GABRB2: variants seen among roughly 807,000 people sequenced by gnomAD.
GABRB2 encodes gamma-aminobutyric acid receptor subunit beta-2.
Under a neutral mutation model 54.7 loss-of-function variants are expected in GABRB2, and 16 were observed. The observed-to-expected ratio is 0.29, with a 90% CI of 0.20 to 0.44. The LOEUF (loss-of-function observed/expected upper bound fraction) is 0.44, where lower values mean the gene tolerates loss of function less well. Ranked by LOEUF, GABRB2 falls within the 20% of genes least tolerant of loss-of-function variation. The probability of loss-of-function intolerance (pLI) is 1.00; values close to 1 mark genes in which losing one functional copy is unlikely to be tolerated. For missense variants in GABRB2, 355 were observed against 644.0 expected, an observed-to-expected ratio of 0.55 and a Z score of 4.86; for synonymous variants, 244 against 233.8, an observed-to-expected ratio of 1.04 and a Z score of -0.40.
At chr5:161,427,615 G>T in intron 4 of GABRB2, among the ~76,000 whole-genome samples, 1 of 152,010 alleles carries the variant, frequency 6.6e-6, no homozygotes, top group African/African-American at 2.4e-5. Context: ...TGTTAATTTG[G>T]GTTGTAATGA....
chr5:161,301,985 T>C (rs959374528), intron 9 of GABRB2, among the ~76,000 whole-genome samples: 1 of 152,244 alleles, frequency 6.6e-6, no homozygotes, highest in African/African-American at 2.4e-5. Context: ...CTGGAATTAT[T>C]GTGCTTATCA....
intron 4 of GABRB2, among the ~76,000 whole-genome samples, chr5:161,415,362 G>C (rs1208729403): frequency 3.3e-5 from 5 of 152,154 alleles, no homozygotes; most frequent in African/African-American, 1.2e-4. Flanking sequence ...AGATATTTGG[G>C]TAAATGTTTT....
intron 9 of GABRB2, among the ~76,000 whole-genome samples, chr5:161,296,128 A>T (rs1341544994): frequency 1.3e-5 from 2 of 152,212 alleles, no homozygotes; most frequent in African/African-American, 2.4e-5. Context: ...CATAGTTACT[A>T]AATGGTGGAG....
At chr5:161,456,359 G>C (rs572257494) in intron 4 of GABRB2, among the ~76,000 whole-genome samples, 5 of 152,310 alleles carry the variant, frequency 3.3e-5, no homozygotes, top group African/African-American at 1.2e-4. Flanking sequence ...ACCTTTCATA[G>C]AAGACTCAGG....
At chr5:161,334,538 G>A (rs187352447) in intron 7 of GABRB2, among the ~76,000 whole-genome samples, 6 of 152,050 alleles carry the variant, frequency 3.9e-5, no homozygotes, top group African/African-American at 7.2e-5. Flanking sequence ...ACAGATATAC[G>A]GTTAACTAAT....
intron 9 of GABRB2, among the ~76,000 whole-genome samples, chr5:161,299,133 G>A (rs942471697): frequency 8.5e-5 from 13 of 152,148 alleles, no homozygotes; most frequent in Admixed American, 2.0e-4. Flanking sequence ...AGTTAAATAT[G>A]TCACTAAATT....
chr5:161,537,855 T>A (rs185908987), intron 3 of GABRB2, among the ~76,000 whole-genome samples: 4 of 152,198 alleles, frequency 2.6e-5, no homozygotes, highest in Admixed American at 2.0e-4. Flanking sequence ...TACCCTTTCC[T>A]CACTCCCACT....
At chr5:161,305,001 ATTTTTTTTTTTT>A (rs544511446) in intron 9 of GABRB2, among the ~76,000 whole-genome samples, 7 of 95,140 alleles carry the variant, frequency 7.4e-5, no homozygotes, top group African/African-American at 3.2e-4. Flanking sequence ...TGATATATCA[ATTTTTTTTTTTT>A]TTTTTTTTTT....
chr5:161,425,155 C>T (rs1477197766), intron 4 of GABRB2, among the ~76,000 whole-genome samples: 2 of 151,978 alleles, frequency 1.3e-5, no homozygotes, highest in African/African-American at 4.8e-5. Flanking sequence ...CTATGAATAT[C>T]ATTGAAATAA....
chr5:161,400,011 A>T lies in GABRB2; in HGVS notation c.541+10964T>A, dbSNP rs1479677474. 2.0e-5 allele frequency among the ~76,000 whole-genome samples: 3 copies of T among 152,168 alleles called. No individual in the cohort carries two copies. The East Asian group carries it at 5.8e-4, about 29-fold the overall frequency. ...TAGATGGTAGATTCTGGAGGCTATC[A>T]TGAAGAAAGAGGTACTCGATTTGCA... On this transcript the variant is annotated intron_variant, in intron 5 of 9. Transcript: ENST00000393959.
At chr5:161,321,265 AT>A (rs1758200705) in intron 9 of GABRB2, among the ~76,000 whole-genome samples, 1 of 152,118 alleles carries the variant, frequency 6.6e-6, no homozygotes, top group Non-Finnish European at 1.5e-5. Flanking sequence ...CCTGTTATAA[AT>A]TAGCAAATGA....
At chr5:161,442,027 T>C (rs1159445351) in intron 4 of GABRB2, among the ~76,000 whole-genome samples, 3 of 152,058 alleles carry the variant, frequency 2.0e-5, no homozygotes, top group Non-Finnish European at 2.9e-5. Flanking sequence ...ATAGAAAGAA[T>C]GAATAAGACC....
chr5:161,516,136 A>C (rs966644210), intron 3 of GABRB2, among the ~76,000 whole-genome samples: 2 of 152,236 alleles, frequency 1.3e-5, no homozygotes, highest in Non-Finnish European at 2.9e-5. Flanking sequence ...AATAGTACCT[A>C]CTAGCAAGTC....
intron 3 of GABRB2, among the ~76,000 whole-genome samples, chr5:161,479,530 T>G (rs986109599): frequency 1.3e-5 from 2 of 151,756 alleles, no homozygotes; most frequent in African/African-American, 4.8e-5. Context: ...AAAATTATAA[T>G]GAAGAAAATT....
chr5:161,354,146 A>G (rs1754548122), intron 5 of GABRB2, among the ~76,000 whole-genome samples: 2 of 151,988 alleles, frequency 1.3e-5, no homozygotes, highest in Non-Finnish European at 1.5e-5. Context: ...TCACCTATAG[A>G]ACCTGCTAAA....
intron 5 of GABRB2, among the ~76,000 whole-genome samples, chr5:161,375,429 G>C (rs1186040844): frequency 2.6e-5 from 4 of 152,164 alleles, no homozygotes. Flanking sequence ...CATTGTTTCA[G>C]AAATGGTATG....
At chr5:161,458,385 T>C (rs1025901344) in intron 4 of GABRB2, among the ~76,000 whole-genome samples, 3 of 152,298 alleles carry the variant, frequency 2.0e-5, no homozygotes, top group African/African-American at 7.2e-5. Flanking sequence ...ACCACCAGTG[T>C]TTGCCACAGA....
chr5:161,321,295 A>G (rs995277421), intron 9 of GABRB2, among the ~76,000 whole-genome samples: 2 of 152,098 alleles, frequency 1.3e-5, no homozygotes, highest in South Asian at 2.1e-4. Context: ...TCTCTCCTCA[A>G]AAATACCACT....
rs375944026 is a variant in GABRB2, at chr5:161,450,662, A to T, written c.458+8962T>A. 4.6e-5 allele frequency among the ~76,000 whole-genome samples: 7 copies of T among 152,258 alleles called. No homozygotes were observed. In the East Asian group the frequency reaches 9.7e-4, roughly 21 times the overall value. On this transcript the variant is annotated intron_variant, in intron 4 of 9. Coordinates refer to ENST00000393959, the MANE Select transcript of GABRB2 (RefSeq NM_001371727.1). ...TCTGTGGTTTGCCATCGTCTCTAGG[A>T]TGTTAGGCACAATTACTTCCCGCTC...
Sources: allele counts gnomAD v4.1 joint callset (sites outside exome capture counted in the v4.1 genomes callset), GRCh38; gene constraint gnomAD v4.1.1; transcripts MANE v1.5; gene names NCBI Gene and HGNC (gene_info 2026-07-23, HGNC 2026-07-21).